Variants in TSACC observed in about 807,000 individuals in gnomAD.
The protein encoded by TSACC is TSSK6-activating co-chaperone protein.
A neutral mutation model predicts 6.9 loss-of-function variants in TSACC; 3 were observed. The observed-to-expected ratio is 0.43, with a 90% CI of 0.20 to 1.12. TSACC has a LOEUF of 1.12. Ranked by LOEUF, TSACC falls within the 50% of genes most tolerant of loss-of-function variation. The pLI is 0.28. For synonymous variants in TSACC, 54 were observed against 55.1 expected (o/e 0.98, Z 0.09); for missense variants, 137 against 143.9 (o/e 0.95, Z 0.24).
intron 1 of TSACC, chr1:156,339,015 G>T (rs1358904471): frequency 2.6e-5 from 4 of 152,304 alleles, no homozygotes; most frequent in Non-Finnish European, 5.9e-5. Context: ...TGTAATCCCA[G>T]CACTTTGGGA....
chr1:156,339,778 T>A lies in TSACC; in HGVS notation c.21T>A (p.His7Gln). ...TTCAGATGGAGCGGCACACTAGTCA[T>A]CCTAACAGAAAAGGTGTGTGTTGGA... MERHTS[H>Q]PNRKVPAKEE... The change falls in exon 2 of 4, where the codon CAT (histidine) becomes CAA (glutamine). Residue 7 changes from histidine (H) to glutamine (Q), a missense_variant. Coordinates refer to ENST00000368254, the MANE Select transcript of TSACC (RefSeq NM_001304817.2). 1 of 1,614,118 alleles carries A rather than the reference T, an allele frequency of 6.2e-7. No homozygotes were observed. Among genetic ancestry groups the A allele is most frequent in the Non-Finnish European group, 8.5e-7 (1 of 1,180,002 alleles).
intron 2 of TSACC, among the ~76,000 whole-genome samples, chr1:156,341,745 T>A (rs375448946): frequency 6.6e-6 from 1 of 152,122 alleles, no homozygotes; most frequent in African/African-American, 2.4e-5. Flanking sequence ...TGTAAAGCAT[T>A]CTTCAAACCT....
At chr1:156,339,535 T>A in intron 1 of TSACC, 99 bp from the exon 2 acceptor site, 3 of 495,500 alleles carry the variant, frequency 6.1e-6, no homozygotes, top group African/African-American at 2.0e-5. Context: ...AAAGGAAAAC[T>A]GTTTTCCAAA....
chr1:156,338,248 A>G, upstream of TSACC: 7 of 1,521,688 alleles, frequency 4.6e-6, no homozygotes, highest in Non-Finnish European at 6.3e-6. Context: ...CTGGAGAGAG[A>G]GAACCAGACA....
At chr1:156,346,208 A>G (rs535116360) in intron 3 of TSACC, among the ~76,000 whole-genome samples, 3 of 151,824 alleles carry the variant, frequency 2.0e-5, no homozygotes, top group Middle Eastern at 3.4e-3. Flanking sequence ...AAAAAAAAAA[A>G]AAAGAAAAAG....
intron 3 of TSACC, among the ~76,000 whole-genome samples, chr1:156,346,466 CG>C (rs2101721752): frequency 6.6e-6 from 1 of 152,184 alleles, no homozygotes; most frequent in South Asian, 2.1e-4. Context: ...CTGGAGCTTA[CG>C]TTCTAGAAGG....
Position 156,346,876 on chromosome 1 carries a change from A to G in TSACC, c.272A>G (p.Gln91Arg). The stretch of plus-strand genomic sequence containing the variant: ...CAGATGGCTGTTTTGGAACATTTAC[A>G]GGCATCTGTGACACAACTGGCTCCT... ...QQQMAVLEHLQASVTQLAPGR... is the reference protein window; with the variant it reads ...QQQMAVLEHLRASVTQLAPGR... The change falls in exon 4 of 4, where the codon CAG becomes CGG. Residue 91 changes from glutamine (Q) to arginine (R), a missense_variant. Coordinates refer to ENST00000368254, the MANE Select transcript of TSACC (RefSeq NM_001304817.2). The G allele has an allele frequency of 6.2e-7, 1 of 1,614,198 alleles. No individual in the cohort carries two copies. The highest frequency in any genetic ancestry group is 8.5e-7 in the Non-Finnish European group (1 of 1,180,030).
intron 1 of TSACC, chr1:156,338,947 A>C (rs1665634200): frequency 1.3e-5 from 2 of 152,526 alleles, no homozygotes; most frequent in Admixed American, 6.5e-5. Context: ...CGTTTCCTTA[A>C]GTTATCCTAT....
chr1:156,344,832 C>A, intron 3 of TSACC, 124 bp downstream of exon 3: 2 of 1,203,628 alleles, frequency 1.7e-6, no homozygotes, highest in Non-Finnish European at 2.3e-6. Context: ...TAGATCTTTC[C>A]GTGATAGCTT....
intron 1 of TSACC, 103 bp from the exon 2 acceptor site, chr1:156,339,531 A>G: frequency 2.0e-6 from 1 of 512,680 alleles, no homozygotes; most frequent in East Asian, 3.2e-5. Flanking sequence ...CACTAAAGGA[A>G]AACTGTTTTC....
At chr1:156,340,796 G>T (rs1203005365) in intron 2 of TSACC, among the ~76,000 whole-genome samples, 1 of 152,030 alleles carries the variant, frequency 6.6e-6, no homozygotes, top group East Asian at 1.9e-4. Context: ...TCTTTTCACA[G>T]AGTATATAGT....
chr1:156,337,802 C>CAAA, upstream of TSACC: 3 of 273,140 alleles, frequency 1.1e-5, no homozygotes, highest in Non-Finnish European at 2.1e-5. Context: ...GAAAAAAAAA[C>CAAA]AAAAAAAAAC....
Position 156,338,541 on chromosome 1 carries a change from C to CACT in TSACC, c.-186_-184dup. On this transcript the variant is annotated 5_prime_UTR_variant, in exon 1 of 4. Transcript: ENST00000368254. ...AGGCTCTGGCAGTTGGCCAGCACACCACTACGCATGTGTGTCAACTCTAGG... is the reference window on the plus strand; with the variant it reads ...AGGCTCTGGCAGTTGGCCAGCACACCACTACTACGCATGTGTGTCAACTCTAGG... 8.9e-6 allele frequency: 4 copies of CACT among 447,548 alleles called. No individual in the cohort carries two copies. Among genetic ancestry groups the CACT allele is most frequent in the Non-Finnish European group, 1.6e-5 (4 of 244,708 alleles). 27.7% of individuals were successfully genotyped at this position (447,548 alleles called of 1,614,324 possible).
At chr1:156,338,320 C>T, upstream of TSACC, 2 of 774,058 alleles carry the variant, frequency 2.6e-6, no homozygotes, top group Non-Finnish European at 4.4e-6. Flanking sequence ...TCAAGGTAGT[C>T]GCCAATCACC....
chr1:156,344,805 T>G, intron 3 of TSACC, 97 bp downstream of exon 3: 1 of 1,431,092 alleles, frequency 7.0e-7, no homozygotes, highest in South Asian at 1.3e-5. Context: ...AAGAGCCAAA[T>G]CTATGTTAGG....
At chr1:156,345,991 C>T (rs1032378234) in intron 3 of TSACC, among the ~76,000 whole-genome samples, 6 of 151,140 alleles carry the variant, frequency 4.0e-5, no homozygotes, top group South Asian at 2.1e-4. Flanking sequence ...GTCAGGAGTT[C>T]GAGACCAGCC....
upstream of TSACC, chr1:156,338,255 G>T: frequency 6.6e-7 from 1 of 1,505,000 alleles, no homozygotes; most frequent in Non-Finnish European, 9.1e-7. Flanking sequence ...GAGAGAACCA[G>T]ACAGAAGCCC....
intron 3 of TSACC, among the ~76,000 whole-genome samples, chr1:156,345,495 G>A (rs564372070): frequency 1.8e-4 from 28 of 152,036 alleles, no homozygotes; most frequent in Middle Eastern, 3.4e-3. Context: ...CCTGGGAGGC[G>A]GAGGTTGCAG....
chr1:156,338,506 G>T (rs929652215), upstream of TSACC: 4 of 512,058 alleles, frequency 7.8e-6, no homozygotes, highest in Non-Finnish European at 1.4e-5. Flanking sequence ...GAACGTCGGC[G>T]CAGGCGCCAA....
Sources: gnomAD v4.1 joint callset for allele counts (sites outside exome capture counted in the v4.1 genomes callset) on GRCh38, gnomAD v4.1.1 for gene constraint, MANE v1.5 for transcripts, NCBI Gene and HGNC (gene_info 2026-07-23, HGNC 2026-07-21) for gene names.